MLST8: variants seen among roughly 807,000 people sequenced by gnomAD.
The protein encoded by MLST8 is MTOR associated protein MLST8, also known as target of rapamycin complex subunit LST8.
A neutral mutation model predicts 41.3 loss-of-function variants in MLST8; 20 were observed. The observed-to-expected ratio is 0.48, with a 90% CI of 0.34 to 0.70. MLST8 has a LOEUF of 0.70. Among genes scored for constraint, MLST8 ranks in the 30% least tolerant of loss-of-function variants. The pLI is 0.01. For synonymous variants in MLST8, 243 were observed against 183.0 expected, an observed-to-expected ratio of 1.33 and a Z score of -2.65; for missense variants, 422 against 454.3, an observed-to-expected ratio of 0.93 and a Z score of 0.65.
At position 2,207,216 on chromosome 16, in the gene MLST8, G is replaced by A; in HGVS notation, c.444G>A (p.Gln148=). Residue 148 remains glutamine (Q), a synonymous_variant, in exon 6 of 9, where the codon CAG becomes CAA. Coordinates refer to ENST00000569417, the MANE Select transcript of MLST8 (RefSeq NM_022372.6). The stretch of plus-strand genomic sequence containing the variant: ...AGGCAGAGCTCATCGTGGGTGACCA[G>A]AGCGGGGCTATCCACATCTGGGACT... ...PNQAELIVGD[Q]SGAIHIWDLK... is the part of the protein sequence containing the mutation. The A allele has an allele frequency of 1.2e-6, 2 of 1,614,148 alleles. No individual in the cohort carries two copies. Among genetic ancestry groups the A allele is most frequent in the South Asian group, 1.1e-5 (1 of 91,088 alleles).
At chr16:2,207,832 T>C (rs1045616085) in intron 6 of MLST8, 2 of 228,130 alleles carry the variant, frequency 8.8e-6, no homozygotes, top group Non-Finnish European at 1.7e-5. Context: ...CCTCATTTTT[T>C]TTCATTAACT....
chr16:2,205,803 T>G (rs1555470957), intron 1 of MLST8: 20 of 1,077,854 alleles, frequency 1.9e-5, no homozygotes, highest in African/African-American at 3.4e-5. Flanking sequence ...GCTGCGGAGG[T>G]GGGGGGGGGA....
Position 2,206,609 on chromosome 16 carries a change from C to G in MLST8, c.294C>G (p.Arg98=). ...IASVGFHEDG[R]WMYTGGEDCT... is the part of the protein sequence containing the mutation. ...CTGTGGGCTTCCACGAAGACGGCCGCTGGATGTACACGGGCGGCGAGGACT... is the reference window on the plus strand; with the variant it reads ...CTGTGGGCTTCCACGAAGACGGCCGGTGGATGTACACGGGCGGCGAGGACT... Residue 98 remains arginine (R), a synonymous_variant, in exon 4 of 9, where the codon CGC becomes CGG. Coordinates refer to ENST00000569417, the MANE Select transcript of MLST8 (RefSeq NM_022372.6). 2 of 1,613,552 alleles carry G rather than the reference C, an allele frequency of 1.2e-6. No homozygotes were observed. The highest frequency in any genetic ancestry group is 2.7e-5 in the African/African-American group (2 of 74,990).
In MLST8 at chr16:2,208,199, C is replaced by T; in HGVS notation, c.574-11C>T. The T allele has an allele frequency of 1.2e-6, 2 of 1,600,926 alleles. No homozygotes were observed. The highest frequency in any genetic ancestry group is 1.7e-6 in the Non-Finnish European group (2 of 1,171,150). Reference sequence around the variant, plus strand: ...CCTTGGGCCCTCCGTGACGGTCCTCCTGACCTCTAGGGAAACTGCTATGTC... The same window carrying T: ...CCTTGGGCCCTCCGTGACGGTCCTCTTGACCTCTAGGGAAACTGCTATGTC... On this transcript the variant is annotated splice_polypyrimidine_tract_variant and intron_variant, in intron 6 of 8. Coordinates refer to ENST00000569417, the MANE Select transcript of MLST8 (RefSeq NM_022372.6).
At chr16:2,206,750 G>A (rs779742734) in intron 4 of MLST8, 91 bp downstream of exon 4, 5 of 1,452,484 alleles carry the variant, frequency 3.4e-6, no homozygotes, top group Admixed American at 1.7e-5. Context: ...CAGAGGCTGA[G>A]ACAGGGAGCT....
chr16:2,209,407 C>A lies in MLST8; in HGVS notation c.*530C>A. ...AGCAGACCGACACGCAGATGTTGCT[C>A]GGGAAGCAGATGTCGATGCAGAGAT... On this transcript the variant is annotated 3_prime_UTR_variant, in exon 9 of 9. Coordinates refer to ENST00000569417, the MANE Select transcript of MLST8 (RefSeq NM_022372.6). The A allele has an allele frequency of 6.2e-7, 1 of 1,613,792 alleles. No homozygotes were observed. The highest frequency in any genetic ancestry group is 8.5e-7 in the Non-Finnish European group (1 of 1,179,972).
chr16:2,205,955 T>C (rs1323955509), intron 1 of MLST8, 76 bp from the exon 2 acceptor site: 2 of 1,460,762 alleles, frequency 1.4e-6, no homozygotes, highest in Non-Finnish European at 1.8e-6. Context: ...TAAGCGCCAT[T>C]CGGCAGCGCC....
In MLST8 at chr16:2,206,528, C is replaced by G. The variant is rs1023032475; in HGVS notation, c.213C>G (p.Asn71Lys). ...AGCACATCCGCATGTATGATCTCAACTCCAATAACCCTAACCCCATCATCA... is the reference window on the plus strand; with the variant it reads ...AGCACATCCGCATGTATGATCTCAAGTCCAATAACCCTAACCCCATCATCA... ...GYQHIRMYDL[N>K]SNNPNPIISY... Residue 71 changes from asparagine (N) to lysine (K), a missense_variant, in exon 4 of 9, where the codon AAC (asparagine) becomes AAG (lysine). By Grantham distance (94) the Asn-to-Lys change is moderately conservative. Coordinates refer to ENST00000569417, the MANE Select transcript of MLST8 (RefSeq NM_022372.6). 6.2e-7 allele frequency: 1 copy of G among 1,612,442 alleles called. No individual in the cohort carries two copies. Among genetic ancestry groups the G allele is most frequent in the Non-Finnish European group, 8.5e-7 (1 of 1,178,596 alleles).
At chr16:2,206,254 A>T in intron 2 of MLST8, 40 bp downstream of exon 2, 1 of 1,599,952 alleles carries the variant, frequency 6.3e-7, no homozygotes. Flanking sequence ...CGCTGGGGGG[A>T]TGCCTCGTGT....
chr16:2,207,010 G>A (rs1168388387), intron 4 of MLST8, 25 bp from the exon 5 acceptor site: 10 of 1,611,762 alleles, frequency 6.2e-6, no homozygotes, highest in Non-Finnish European at 7.6e-6. Flanking sequence ...CAGATGGACA[G>A]CATGTGCCCC....
rs1280299142 is a variant in MLST8 at position 2,208,528 on chromosome 16, C to T, written c.777C>T (p.Ser259=). Residue 259 remains serine, a synonymous_variant, in exon 8 of 9, where the codon AGC becomes AGT. Coordinates refer to ENST00000569417, the MANE Select transcript of MLST8 (RefSeq NM_022372.6). ...ACTTCTCCCTGATGACGGAGCTGAG[C>T]ATCAAGAGCGGCAACCCCGGGGAGT... is the stretch of plus-strand genomic sequence containing the variant. ...TSNFSLMTEL[S]IKSGNPGESS... 3 of 1,613,138 alleles carry T rather than the reference C, an allele frequency of 1.9e-6. No individual in the cohort carries two copies. The highest frequency in any genetic ancestry group is 1.3e-5 in the African/African-American group (1 of 74,910).
chr16:2,207,144 A>G (rs759386473), intron 5 of MLST8, 34 bp downstream of exon 5: 2 of 1,613,328 alleles, frequency 1.2e-6, no homozygotes, highest in Non-Finnish European at 1.7e-6. Flanking sequence ...GCACCCTGGG[A>G]CTTTGGAGGG....
Position 2,206,033 on chromosome 16 carries a change from G to A in MLST8, c.-53G>A. ...GTACTTCACATCCTTCTCTGCAGAT[G>A]CTCTGACCTTTGACCCCTGCCGTTC... On this transcript the variant is annotated splice_region_variant and 5_prime_UTR_variant, in exon 2 of 9. It removes an upstream start codon present in the reference 5' UTR. Coordinates refer to ENST00000569417, the MANE Select transcript of MLST8 (RefSeq NM_022372.6). 2.0e-6 allele frequency: 3 copies of A among 1,514,434 alleles called. No individual in the cohort carries two copies. The highest frequency in any genetic ancestry group is 2.7e-6 in the Non-Finnish European group (3 of 1,126,426). The allele number at this position is 1,514,434 out of a possible 1,614,324, so 93.8% of individuals were successfully genotyped here. A position where few individuals can be genotyped will look rare whatever the true frequency, so the allele number is the denominator to read the frequency against.
At chr16:2,207,498 CT>C in intron 6 of MLST8, 153 bp downstream of exon 6, 1 of 907,476 alleles carries the variant, frequency 1.1e-6, no homozygotes, top group Non-Finnish European at 1.7e-6. Flanking sequence ...AGCCAGAAGC[CT>C]TAGTGTCGCT....
Position 2,208,603 on chromosome 16 carries a change from C to G in MLST8, c.852C>G (p.Tyr284Ter), listed in dbSNP as rs376303875. The G allele has an allele frequency of 6.2e-7, 1 of 1,612,450 alleles. No homozygotes were observed. Residue 284 changes from tyrosine (Y) to a stop codon, truncating the protein, a stop_gained, in exon 8 of 9, where the codon TAC (tyrosine) becomes TAG (stop). Coordinates refer to ENST00000569417, the MANE Select transcript of MLST8 (RefSeq NM_022372.6). LOFTEE classifies it high-confidence loss of function. ...GCGCCTTCTCGGGGGACTCCCAGTA[C>G]ATCGTCACTGGTGAGCCCCGCCCTG... Reference protein sequence around the residue: ...WGCAFSGDSQYIVTASSDNLA... With the variant: ...WGCAFSGDSQ
intron 2 of MLST8, 63 bp downstream of exon 2, chr16:2,206,277 C>G: frequency 6.2e-7 from 1 of 1,604,996 alleles, no homozygotes; most frequent in Admixed American, 1.7e-5. Flanking sequence ...GGACCACAGC[C>G]TGTGTGAAGG....
In MLST8 at chr16:2,208,304, C is replaced by T. The variant is rs766673856; in HGVS notation, c.668C>T (p.Ala223Val). The T allele has an allele frequency of 9.3e-6, 15 of 1,611,596 alleles. No homozygotes were observed. In the South Asian group the frequency reaches 1.2e-4, roughly 13 times the overall value. The stretch of plus-strand genomic sequence containing the variant: ...AAGATCCCTGCCCACACGCGCTACG[C>T]CCTGCAGTGTCGCTTCAGCCCCGAC... ...KTKIPAHTRY[A>V]LQCRFSPDST... Residue 223 changes from alanine to valine, a missense_variant, in exon 7 of 9, where the codon GCC becomes GTC. Coordinates refer to ENST00000569417, the MANE Select transcript of MLST8 (RefSeq NM_022372.6).
At chr16:2,206,923 C>G (rs2141365189) in intron 4 of MLST8, 112 bp from the exon 5 acceptor site, 1 of 1,393,296 alleles carries the variant, frequency 7.2e-7, no homozygotes, top group East Asian at 2.3e-5. Context: ...CAAGTATTTC[C>G]CAAGAGGCAG....
At chr16:2,207,643 C>G (rs1297147129) in intron 6 of MLST8, 2 of 443,174 alleles carry the variant, frequency 4.5e-6, no homozygotes, top group Admixed American at 7.6e-5. Context: ...GGCTGACACA[C>G]TCTCTGAGGC....
Sources: gnomAD v4.1 joint callset for allele counts on GRCh38, gnomAD v4.1.1 for gene constraint, MANE v1.5 for transcripts, NCBI Gene and HGNC (gene_info 2026-07-23, HGNC 2026-07-21) for gene names.